Variants in CSMD1 observed in about 807,000 individuals in gnomAD.
CSMD1 encodes the protein CUB and sushi domain-containing protein 1.
CSMD1 carries 213 observed loss-of-function variants against 417.5 expected under a neutral mutation model. That is an observed-to-expected ratio of 0.51 (90% CI 0.46 to 0.57). The LOEUF (loss-of-function observed/expected upper bound fraction) is 0.57, where lower values mean the gene tolerates loss of function less well. CSMD1 is among the 20% of genes least tolerant of loss of function. The probability of loss-of-function intolerance (pLI) is 0.00; values close to 1 mark genes in which losing one functional copy is unlikely to be tolerated. For missense variants in CSMD1, 6,923 were observed against 4,529.7 expected, an observed-to-expected ratio of 1.53 and a Z score of -15.17; for synonymous variants, 2,862 against 1,736.8, an observed-to-expected ratio of 1.65 and a Z score of -16.11.
intron 3 of CSMD1, among the ~76,000 whole-genome samples, chr8:4,152,743 T>C (rs1211988310): frequency 6.6e-6 from 1 of 151,426 alleles, no homozygotes; most frequent in Non-Finnish European, 1.5e-5. Context: ...GATATATACG[T>C]CCATAGTAAT....
At chr8:3,234,662 A>G (rs919119231) in intron 26 of CSMD1, among the ~76,000 whole-genome samples, 4 of 152,218 alleles carry the variant, frequency 2.6e-5, no homozygotes, top group Non-Finnish European at 2.9e-5. Flanking sequence ...GAAGCCTGGG[A>G]GAGCAGAGGA....
intron 19 of CSMD1, 26 bp downstream of exon 19, chr8:3,369,228 G>C (rs761211322): frequency 4.4e-6 from 5 of 1,131,212 alleles, no homozygotes; most frequent in Non-Finnish European, 6.7e-6. Flanking sequence ...TAGTCTGTAT[G>C]TTTGAGACCT....
chr8:4,047,475 G>A (rs1252269366), intron 3 of CSMD1, among the ~76,000 whole-genome samples: 1 of 152,104 alleles, frequency 6.6e-6, no homozygotes, highest in East Asian at 1.9e-4. Flanking sequence ...AGCTAACTCA[G>A]ATTAGTGGTA....
intron 26 of CSMD1, among the ~76,000 whole-genome samples, chr8:3,262,748 A>G (rs953450383): frequency 1.3e-5 from 2 of 152,196 alleles, no homozygotes; most frequent in African/African-American, 4.8e-5. Context: ...ATGTCCTTTA[A>G]TAAGCTTAGT....
chr8:3,970,280 T>C (rs1029942966), intron 5 of CSMD1, among the ~76,000 whole-genome samples: 8 of 152,180 alleles, frequency 5.3e-5, no homozygotes, highest in African/African-American at 1.9e-4. Flanking sequence ...TCCGAAGCCT[T>C]TGAAACAGTC....
intron 7 of CSMD1, among the ~76,000 whole-genome samples, chr8:3,700,100 G>A (rs193144318): frequency 5.9e-5 from 9 of 152,254 alleles, no homozygotes; most frequent in South Asian, 2.1e-4. Context: ...CTCTGTGGAC[G>A]TTGGGGGAAG....
chr8:4,460,679 A>ACAGTCTTCTTCT (rs879593478), intron 2 of CSMD1, among the ~76,000 whole-genome samples: 10,519 of 152,166 alleles, frequency 0.069, 27 homozygotes, highest in African/African-American at 0.22. Context: ...AGAGAATTTT[A>ACAGTCTTCTTCT]TAAACATCTG....
At position 3,905,343 on chromosome 8, in the gene CSMD1, A is replaced by T. The variant is rs533320365; in HGVS notation, c.818+92560T>A. 1.5e-3 allele frequency among the ~76,000 whole-genome samples: 224 copies of T among 152,328 alleles called. 1 individual carries two copies. Among genetic ancestry groups the T allele is most frequent in the African/African-American group, 5.1e-3 (213 of 41,578 alleles). On this transcript the variant is annotated intron_variant, in intron 5 of 69. Transcript: ENST00000635120. ...TACCTGATCTTAAATCCAACATAAA[A>T]GTTGATCATCTAAAAAAAGTTCTTT...
intron 5 of CSMD1, among the ~76,000 whole-genome samples, chr8:3,952,678 T>C (rs904591106): frequency 2.0e-5 from 3 of 152,212 alleles, no homozygotes; most frequent in Non-Finnish European, 2.9e-5. Flanking sequence ...CAAAGAGATA[T>C]TATTGTTGCA....
chr8:4,105,259 G>A (rs1052920705), intron 3 of CSMD1, among the ~76,000 whole-genome samples: 2 of 152,070 alleles, frequency 1.3e-5, no homozygotes, highest in Non-Finnish European at 2.9e-5. Context: ...ATCAACGGCC[G>A]TATTCAACTG....
intron 3 of CSMD1, among the ~76,000 whole-genome samples, chr8:4,380,159 G>C (rs1803009302): frequency 6.6e-6 from 1 of 152,190 alleles, no homozygotes; most frequent in Admixed American, 6.5e-5. Context: ...GCCCTCAGAA[G>C]GTGGCATGTA....
intron 2 of CSMD1, among the ~76,000 whole-genome samples, chr8:4,636,390 A>C (rs2724973): frequency 0.85 from 128,832 of 152,132 alleles, 54,677 homozygotes; most frequent in South Asian, 0.91. Flanking sequence ...AAGAGAAAAC[A>C]AATTACGAAT....
At chr8:4,048,817 A>C (rs531410707) in intron 3 of CSMD1, among the ~76,000 whole-genome samples, 1 of 152,346 alleles carries the variant, frequency 6.6e-6, no homozygotes, top group Non-Finnish European at 1.5e-5. Context: ...CACAAGCTTT[A>C]TTCACTCAAT....
At chr8:4,814,378 T>A (rs1298392675) in intron 1 of CSMD1, among the ~76,000 whole-genome samples, 2 of 152,178 alleles carry the variant, frequency 1.3e-5, no homozygotes, top group Non-Finnish European at 2.9e-5. Context: ...CCCGAGTAGC[T>A]GGGATTATAA....
At chr8:4,210,786 C>T (rs894275727) in intron 3 of CSMD1, among the ~76,000 whole-genome samples, 6 of 152,034 alleles carry the variant, frequency 3.9e-5, no homozygotes, top group African/African-American at 1.4e-4. Flanking sequence ...TGAGTAAATA[C>T]GAGCATATCT....
At chr8:3,733,191 ACACACACACACACACT>A in intron 6 of CSMD1, among the ~76,000 whole-genome samples, 1 of 148,168 alleles carries the variant, frequency 6.7e-6, no homozygotes, top group African/African-American at 2.6e-5. Flanking sequence ...ACACACACAC[ACACACACACACACACT>A]CTCTCTCTCT....
chr8:3,756,994 G>A (rs930321998), intron 5 of CSMD1, among the ~76,000 whole-genome samples: 1 of 152,004 alleles, frequency 6.6e-6, no homozygotes, highest in African/African-American at 2.4e-5. Flanking sequence ...AGAGACTGGG[G>A]GTCTCACTAT....
At chr8:3,902,293 C>A (rs1309066900) in intron 5 of CSMD1, among the ~76,000 whole-genome samples, 1 of 152,140 alleles carries the variant, frequency 6.6e-6, no homozygotes, top group Non-Finnish European at 1.5e-5. Context: ...CCATTACTGT[C>A]AAATCCTGTT....
At chr8:3,527,269 T>C (rs1002042525) in intron 10 of CSMD1, among the ~76,000 whole-genome samples, 22 of 152,326 alleles carry the variant, frequency 1.4e-4, no homozygotes, top group Non-Finnish European at 2.8e-4. Context: ...GATAGGGAAT[T>C]ATAATGGGAG....
Sources: gnomAD v4.1 joint callset for allele counts (sites outside exome capture counted in the v4.1 genomes callset) on GRCh38, gnomAD v4.1.1 for gene constraint, MANE v1.5 for transcripts, NCBI Gene and HGNC (gene_info 2026-07-23, HGNC 2026-07-21) for gene names.